FAS: variants seen among roughly 807,000 people sequenced by gnomAD.
FAS encodes the protein Fas cell surface death receptor.
A neutral mutation model predicts 33.2 loss-of-function variants in FAS; 5 were observed. The ratio of observed to expected loss-of-function variants is 0.15; its 90% CI spans 0.08 to 0.32. FAS has a LOEUF of 0.32. Ranked by LOEUF, FAS falls within the 10% of genes least tolerant of loss-of-function variation. The probability of loss-of-function intolerance (pLI) is 1.00; values close to 1 mark genes in which losing one functional copy is unlikely to be tolerated. For synonymous variants in FAS, 131 were observed against 130.7 expected, an observed-to-expected ratio of 1.00 and a Z score of -0.01; for missense variants, 339 against 386.0, an observed-to-expected ratio of 0.88 and a Z score of 1.02.
intron 1 of FAS, chr10:88,991,444 A>T (rs1378573456): frequency 4.9e-6 from 1 of 203,418 alleles, no homozygotes; most frequent in Non-Finnish European, 1.0e-5. Context: ...TCTCAGACGT[A>T]GGAAATAAGT....
rs779767453 is a variant in FAS, at chr10:89,015,409, C to G, written c.*959C>G. The stretch of plus-strand genomic sequence containing the variant: ...GCAATCAAAGATGATAAAATAGATT[C>G]TTATTTTTCCCCCACCCCCGAAAAT... On this transcript the variant is annotated 3_prime_UTR_variant, in exon 9 of 9. Coordinates refer to ENST00000652046, the MANE Select transcript of FAS (RefSeq NM_000043.6). 1 of 531,026 alleles carries G rather than the reference C, an allele frequency of 1.9e-6. No individual in the cohort carries two copies. Among genetic ancestry groups the G allele is most frequent in the Non-Finnish European group, 3.6e-6 (1 of 274,070 alleles). The allele number at this position is 531,026 out of a possible 1,614,324, so 32.9% of individuals were successfully genotyped here.
At chr10:89,011,079 G>C (rs1848506427) in intron 6 of FAS, 1 of 528,518 alleles carries the variant, frequency 1.9e-6, no homozygotes, top group Middle Eastern at 5.2e-4. Context: ...CAGCAGAATT[G>C]GCCAAAAATC....
In FAS at chr10:88,973,421, G is replaced by A. The variant is rs963333105; in HGVS notation, n.260+74G>A. 3.2e-6 allele frequency: 4 copies of A among 1,235,200 alleles called. No homozygotes were observed. In the African/African-American group the frequency reaches 4.6e-5, roughly 14 times the overall value. 76.5% of individuals were successfully genotyped at this position (1,235,200 alleles called of 1,614,324 possible). ...TTCCCGATGAAAACAACTCTTTCTT[G>A]TTAGCCATTATCTCTGCCTTTCCTT... On this transcript the variant is annotated intron_variant and non_coding_transcript_variant, in intron 2 of 3. Coordinates refer to the FAS transcript ENST00000688239.
rs750283979 is a variant in FAS at position 89,009,010 on chromosome 10, C to T, written c.443+13C>T. 1 of 1,589,816 alleles carries T rather than the reference C, an allele frequency of 6.3e-7. No homozygotes were observed. Among genetic ancestry groups the T allele is most frequent in the Non-Finnish European group, 8.6e-7 (1 of 1,158,026 alleles). On this transcript the variant is annotated intron_variant, in intron 4 of 8. Coordinates refer to ENST00000652046, the MANE Select transcript of FAS (RefSeq NM_000043.6). ...ACCCTTGCACCAAGTAAGTTTTAGT[C>T]TTTCTCTGATTAAAACACTAGATAT...
At chr10:88,968,983 C>T (rs772763772) in intron 1 of FAS, among the ~76,000 whole-genome samples, 5 of 151,980 alleles carry the variant, frequency 3.3e-5, no homozygotes, top group South Asian at 2.1e-4. Context: ...ACCCCCACCC[C>T]GCAATACTAC....
chr10:88,971,158 T>A (rs1278819908), intron 1 of FAS, among the ~76,000 whole-genome samples: 2 of 152,226 alleles, frequency 1.3e-5, no homozygotes, highest in Non-Finnish European at 2.9e-5. Flanking sequence ...GTACCAAGCA[T>A]TTGAGCTGGA....
intron 1 of FAS, among the ~76,000 whole-genome samples, chr10:89,001,012 A>G (rs1201153736): frequency 6.6e-6 from 1 of 152,260 alleles, no homozygotes; most frequent in Non-Finnish European, 1.5e-5. Context: ...AGATTGTGCC[A>G]CTGTGCTCCA....
intron 1 of FAS, among the ~76,000 whole-genome samples, chr10:88,966,765 G>GACGT (rs1317206175): frequency 6.6e-6 from 1 of 152,044 alleles, no homozygotes; most frequent in Non-Finnish European, 1.5e-5. Context: ...GCAGGTCAAA[G>GACGT]ACGTAACCTG....
intron 8 of FAS, among the ~76,000 whole-genome samples, chr10:89,013,613 T>C (rs1848640188): frequency 6.6e-6 from 1 of 152,190 alleles, no homozygotes; most frequent in African/African-American, 2.4e-5. Flanking sequence ...AAACTTTTCC[T>C]TCATAATCAG....
At chr10:88,998,921 C>A (rs533683900) in intron 1 of FAS, among the ~76,000 whole-genome samples, 66 of 152,118 alleles carry the variant, frequency 4.3e-4, no homozygotes, top group Admixed American at 1.4e-3. Flanking sequence ...TTTGGGAGGC[C>A]GAGGCAGGCG....
At chr10:88,998,319 G>C (rs1424588525) in intron 1 of FAS, among the ~76,000 whole-genome samples, 2 of 142,540 alleles carry the variant, frequency 1.4e-5, no homozygotes, top group Non-Finnish European at 3.0e-5. Flanking sequence ...CTGTCTACAA[G>C]CTTTATATAG....
chr10:89,010,486 T>C lies in FAS; in HGVS notation c.444-53T>C, dbSNP rs559463629. 4.1e-5 allele frequency: 61 copies of C among 1,493,824 alleles called. No homozygotes were observed. In the East Asian group the frequency reaches 1.0e-3, roughly 24 times the overall value. The allele number at this position is 1,493,824 out of a possible 1,614,324, so 92.5% of individuals were successfully genotyped here. A position where few individuals can be genotyped will look rare whatever the true frequency, so the allele number is the denominator to read the frequency against. Reference sequence around the variant, plus strand: ...ATTTACAAAGTGCCATTGAAAATTATAAAGGAATTATTCTGCCAGGCTTTT... The same window carrying C: ...ATTTACAAAGTGCCATTGAAAATTACAAAGGAATTATTCTGCCAGGCTTTT... On this transcript the variant is annotated intron_variant, in intron 4 of 8. Transcript: ENST00000652046.
upstream of FAS, among the ~76,000 whole-genome samples, chr10:88,988,581 T>C (rs978522): frequency 0.35 from 53,490 of 151,944 alleles, 10,196 homozygotes; most frequent in East Asian, 0.52. Context: ...TTGTCCAAAA[T>C]ATCTCCAACA....
At position 89,010,827 on chromosome 10, in the gene FAS, C is replaced by T; in HGVS notation, c.568+12C>T. ...ACTAATTGTTTGGGGTAAGTTCTTG[C>T]TTTGTTCAAACTGCAGATTGAAATA... On this transcript the variant is annotated intron_variant, in intron 6 of 8. Transcript: ENST00000652046. 3 of 1,613,842 alleles carry T rather than the reference C, an allele frequency of 1.9e-6. No homozygotes were observed. Among genetic ancestry groups the T allele is most frequent in the Non-Finnish European group, 8.5e-7 (1 of 1,179,914 alleles).
chr10:88,998,828 T>A (rs1358683250), intron 1 of FAS, among the ~76,000 whole-genome samples: 2 of 152,252 alleles, frequency 1.3e-5, no homozygotes, highest in East Asian at 3.9e-4. Context: ...AGAAGCTAAC[T>A]GGATGCTTTG....
intron 3 of FAS, among the ~76,000 whole-genome samples, chr10:89,008,443 G>T (rs912871685): frequency 6.6e-6 from 1 of 152,218 alleles, no homozygotes; most frequent in Non-Finnish European, 1.5e-5. Context: ...CATTAGAATT[G>T]CTTAGGGAGC....
intron 4 of FAS, 87 bp from the exon 5 acceptor site, chr10:89,010,452 T>G (rs1848467927): frequency 9.8e-7 from 1 of 1,016,112 alleles, no homozygotes; most frequent in Admixed American, 1.9e-5. Context: ...ATGAATAAAA[T>G]GGCCCCTAAT....
chr10:88,973,283 T>C, exon 2 of FAS: 1 of 1,612,330 alleles, frequency 6.2e-7, no homozygotes, highest in Non-Finnish European at 8.5e-7. Flanking sequence ...TGGGGATCTC[T>C]AGGTCATCAT....
intron 1 of FAS, among the ~76,000 whole-genome samples, chr10:88,993,746 C>T (rs1847412886): frequency 6.6e-6 from 1 of 152,060 alleles, no homozygotes; most frequent in African/African-American, 2.4e-5. Flanking sequence ...ATTTTTGTAG[C>T]TTAATTTGTA....
Sources: allele counts gnomAD v4.1 joint callset (sites outside exome capture counted in the v4.1 genomes callset), GRCh38; gene constraint gnomAD v4.1.1; transcripts MANE v1.5; gene names NCBI Gene and HGNC (gene_info 2026-07-23, HGNC 2026-07-21).